Variants in PLCB1 observed in about 807,000 individuals in gnomAD.
PLCB1 encodes the protein 1-phosphatidylinositol 4,5-bisphosphate phosphodiesterase beta-1.
In PLCB1, 46 loss-of-function variants were observed where a neutral mutation model predicts 161.8. The observed-to-expected ratio is 0.28, with a 90% CI of 0.22 to 0.36. The LOEUF (loss-of-function observed/expected upper bound fraction) is 0.36. PLCB1 is among the 10% of genes least tolerant of loss of function. The pLI is 1.00. For synonymous variants in PLCB1, 517 were observed against 503.7 expected, an observed-to-expected ratio of 1.03 and a Z score of -0.35; for missense variants, 1,016 against 1,472.5, an observed-to-expected ratio of 0.69 and a Z score of 5.07.
chr20:8,351,209 C>CT (rs1182314070), intron 2 of PLCB1, among the ~76,000 whole-genome samples: 2 of 152,130 alleles, frequency 1.3e-5, no homozygotes, highest in South Asian at 2.1e-4. Flanking sequence ...AGTAAACTGA[C>CT]TTTTTTATGA....
At chr20:8,521,040 T>G (rs759813031) in intron 3 of PLCB1, among the ~76,000 whole-genome samples, 1 of 152,150 alleles carries the variant, frequency 6.6e-6, no homozygotes, top group Non-Finnish European at 1.5e-5. Flanking sequence ...AGCAGATATA[T>G]CTAAGCTTCT....
intron 2 of PLCB1, among the ~76,000 whole-genome samples, chr20:8,238,857 A>G (rs1405970566): frequency 7.2e-6 from 1 of 138,596 alleles, no homozygotes; most frequent in African/African-American, 2.9e-5. Context: ...CATTGAGTAA[A>G]TGGGTGGCTG....
Position 8,774,890 on chromosome 20 carries a change from T to A in PLCB1, c.3111+171T>A, listed in dbSNP as rs2235612. On this transcript the variant is annotated intron_variant, in intron 27 of 31. Transcript: ENST00000338037. ...ACACTATTGTTTTTATAAGCCCCAC[T>A]GTCTTAACATCTTTACCAAGCTTCT... Among the ~76,000 whole-genome samples the A allele has an allele frequency of 0.31, 46,693 of 151,978 alleles. 7,312 individuals are homozygous for A. Among genetic ancestry groups the A allele is most frequent in the South Asian group, 0.36 (1,730 of 4,812 alleles).
intron 31 of PLCB1, among the ~76,000 whole-genome samples, chr20:8,864,494 C>G (rs1048673614): frequency 4.6e-5 from 7 of 152,292 alleles, no homozygotes; most frequent in African/African-American, 1.7e-4. Flanking sequence ...TGCCTAGCAC[C>G]TGTCACAGTG....
rs557170797 is a variant in PLCB1 at position 8,649,457 on chromosome 20, T to A, written c.594+8T>A. 1.9e-6 allele frequency: 3 copies of A among 1,591,676 alleles called. No individual in the cohort carries two copies. The highest frequency in any genetic ancestry group is 2.2e-5 in the East Asian group (1 of 44,778). Reference sequence around the variant, plus strand: ...AGTCTTCCATCTTCAAGGGTGAGCATGTGTGTTATGCTATAGTTTGAATGT... The same window carrying A: ...AGTCTTCCATCTTCAAGGGTGAGCAAGTGTGTTATGCTATAGTTTGAATGT... On this transcript the variant is annotated splice_region_variant and intron_variant, in intron 7 of 31. Coordinates refer to ENST00000338037, the MANE Select transcript of PLCB1 (RefSeq NM_015192.4).
chr20:8,294,734 T>A (rs1983551463), intron 2 of PLCB1, among the ~76,000 whole-genome samples: 1 of 151,444 alleles, frequency 6.6e-6, no homozygotes, highest in Middle Eastern at 3.4e-3. Flanking sequence ...TTTCACACAA[T>A]CCTGTACAAT....
At chr20:8,858,552 C>A (rs1292838732) in intron 31 of PLCB1, among the ~76,000 whole-genome samples, 1 of 152,026 alleles carries the variant, frequency 6.6e-6, no homozygotes, top group African/African-American at 2.4e-5. Context: ...AGTCTTGGAC[C>A]TTTTCCAAGA....
Position 8,396,471 on chromosome 20 carries a change from G to A in PLCB1, c.246+25021G>A, listed in dbSNP as rs114337173. Among the ~76,000 whole-genome samples the A allele has an allele frequency of 5.0e-3, 767 of 152,014 alleles. 5 individuals are homozygous for A. Among genetic ancestry groups the A allele is most frequent in the African/African-American group, 0.017 (689 of 41,490 alleles). Reference sequence around the variant, plus strand: ...GTCCTTGGCCTTAAATAAATTATTCGGTTGTATGATTGAGAAGAGAAAAAC... The same window carrying A: ...GTCCTTGGCCTTAAATAAATTATTCAGTTGTATGATTGAGAAGAGAAAAAC... On this transcript the variant is annotated intron_variant, in intron 3 of 31. Transcript: ENST00000338037.
At chr20:8,880,856 C>CTTTT (rs753470997) in intron 31 of PLCB1, 5,222 of 103,828 alleles carry the variant, frequency 0.05, 143 homozygotes, top group South Asian at 0.08. Flanking sequence ...TTCTTTCTTT[C>CTTTT]TTTCTTTTTT....
intron 26 of PLCB1, among the ~76,000 whole-genome samples, chr20:8,772,588 A>C (rs1213348951): frequency 6.6e-6 from 1 of 152,176 alleles, no homozygotes; most frequent in Non-Finnish European, 1.5e-5. Flanking sequence ...AGTGGTTGGA[A>C]CTGATTGAAG....
intron 31 of PLCB1, among the ~76,000 whole-genome samples, chr20:8,837,083 AATT>A (rs1386022613): frequency 8.5e-5 from 13 of 152,130 alleles, no homozygotes; most frequent in African/African-American, 2.9e-4. Flanking sequence ...TGAGCCCCTA[AATT>A]ATGATGAGGG....
At chr20:8,559,555 T>C (rs1220855906) in intron 3 of PLCB1, among the ~76,000 whole-genome samples, 1 of 152,004 alleles carries the variant, frequency 6.6e-6, no homozygotes, top group Non-Finnish European at 1.5e-5. Context: ...GATTCAAGTC[T>C]ATGCTGTTTA....
intron 3 of PLCB1, among the ~76,000 whole-genome samples, chr20:8,476,230 A>G (rs1982273712): frequency 6.6e-6 from 1 of 152,220 alleles, no homozygotes; most frequent in African/African-American, 2.4e-5. Context: ...GAGGAGAAGT[A>G]AAAGTGTTGC....
chr20:8,291,513 T>C (rs951126335), intron 2 of PLCB1, among the ~76,000 whole-genome samples: 4 of 152,206 alleles, frequency 2.6e-5, no homozygotes, highest in Non-Finnish European at 2.9e-5. Flanking sequence ...ACTATTTCTT[T>C]AGGAATCATG....
chr20:8,338,711 G>T (rs910931141), intron 2 of PLCB1, among the ~76,000 whole-genome samples: 2 of 152,144 alleles, frequency 1.3e-5, no homozygotes, highest in Non-Finnish European at 2.9e-5. Flanking sequence ...TTTGACAAAT[G>T]TATACACCTG....
At chr20:8,644,434 C>T (rs1047773862) in intron 4 of PLCB1, among the ~76,000 whole-genome samples, 4 of 150,526 alleles carry the variant, frequency 2.7e-5, no homozygotes, top group African/African-American at 7.4e-5. Context: ...GTGGGGAGCG[C>T]CTCTGCCCCG....
chr20:8,714,356 A>G (rs145261522), intron 12 of PLCB1, among the ~76,000 whole-genome samples: 2,081 of 152,240 alleles, frequency 0.014, 19 homozygotes, highest in South Asian at 0.023. Flanking sequence ...GCACTCTGGA[A>G]CATGTCGTCC....
intron 2 of PLCB1, among the ~76,000 whole-genome samples, chr20:8,252,336 T>G (rs1981189272): frequency 6.6e-6 from 1 of 151,974 alleles, no homozygotes; most frequent in Non-Finnish European, 1.5e-5. Context: ...GTGAACCTGC[T>G]GACTTCCCTT....
chr20:8,384,087 G>T (rs544538955), intron 3 of PLCB1, among the ~76,000 whole-genome samples: 44 of 152,272 alleles, frequency 2.9e-4, no homozygotes, highest in African/African-American at 1.0e-3. Context: ...GGTTGGGGAA[G>T]TTCTCCTGGA....
Sources: allele counts gnomAD v4.1 joint callset (sites outside exome capture counted in the v4.1 genomes callset), GRCh38; gene constraint gnomAD v4.1.1; transcripts MANE v1.5; gene names NCBI Gene and HGNC (gene_info 2026-07-23, HGNC 2026-07-21).